LYPLAL1: variants seen among roughly 807,000 people sequenced by gnomAD.
LYPLAL1 encodes lysophospholipase like 1, also known as lysophospholipase-like protein 1.
In LYPLAL1, 23 loss-of-function variants were observed where a neutral mutation model predicts 19.7. The observed-to-expected ratio is 1.17, with a 90% CI of 0.84 to 1.65. LYPLAL1 has a LOEUF of 1.65. Ranked by LOEUF, LYPLAL1 falls within the 40% of genes most tolerant of loss-of-function variation. LYPLAL1 has a pLI of 0.00. For missense variants in LYPLAL1, 355 were observed against 279.4 expected, an observed-to-expected ratio of 1.27 and a Z score of -1.93; for synonymous variants, 119 against 96.3, an observed-to-expected ratio of 1.24 and a Z score of -1.38.
intron 1 of LYPLAL1, among the ~76,000 whole-genome samples, chr1:219,178,161 G>C (rs1248082217): frequency 6.6e-6 from 1 of 152,190 alleles, no homozygotes; most frequent in Non-Finnish European, 1.5e-5. Flanking sequence ...TCCTCTTGCA[G>C]AGTTTATAGG....
chr1:219,412,428 A>G, the LYPLAL1 span, among the ~76,000 whole-genome samples: 1 of 152,224 alleles, frequency 6.6e-6, no homozygotes, highest in Non-Finnish European at 1.5e-5. Flanking sequence ...TACAAAACAT[A>G]CTATTGTTTT....
At chr1:219,217,379 G>GGTGTGTGTGTGTGTGT (rs371579948), downstream of LYPLAL1, among the ~76,000 whole-genome samples, 22,743 of 133,608 alleles carry the variant, frequency 0.17, 2,276 homozygotes, top group East Asian at 0.23. Context: ...TGCCAGGTTT[G>GGTGTGTGTGTGTGTGT]GTGTGTGTGT....
chr1:219,336,500 A>T, the LYPLAL1 span, among the ~76,000 whole-genome samples: 3 of 151,930 alleles, frequency 2.0e-5, no homozygotes, highest in African/African-American at 7.2e-5. Flanking sequence ...TTTTTTTACT[A>T]GCAGTGATAC....
the LYPLAL1 span, among the ~76,000 whole-genome samples, chr1:219,438,247 C>T: frequency 2.0e-5 from 3 of 152,180 alleles, no homozygotes; most frequent in Non-Finnish European, 4.4e-5. Context: ...GGTGGTAACA[C>T]CTCTATAGTA....
chr1:219,260,953 T>C, the LYPLAL1 span, among the ~76,000 whole-genome samples: 14 of 152,066 alleles, frequency 9.2e-5, no homozygotes, highest in South Asian at 8.3e-4. Flanking sequence ...CCGTTTATAC[T>C]TGGAAATTTT....
chr1:219,370,479 G>A, the LYPLAL1 span, among the ~76,000 whole-genome samples: 10,309 of 152,222 alleles, frequency 0.068, 497 homozygotes, highest in South Asian at 0.14. Flanking sequence ...ATTGGAGACA[G>A]GAAGGTAGAG....
At chr1:219,230,521 A>T in the LYPLAL1 span, among the ~76,000 whole-genome samples, 1 of 152,236 alleles carries the variant, frequency 6.6e-6, no homozygotes, top group African/African-American at 2.4e-5. Context: ...TATTTTCCTG[A>T]TTCATAATGT....
the LYPLAL1 span, among the ~76,000 whole-genome samples, chr1:219,404,293 G>A: frequency 2.0e-5 from 3 of 152,104 alleles, no homozygotes; most frequent in African/African-American, 4.8e-5. Context: ...GGGAGCACAC[G>A]TCAGGGCATA....
At chr1:219,219,017 T>C in the LYPLAL1 span, among the ~76,000 whole-genome samples, 2 of 152,070 alleles carry the variant, frequency 1.3e-5, no homozygotes, top group African/African-American at 4.8e-5. Context: ...CCCAGCATTG[T>C]AGGATGTATG....
At chr1:219,209,548 T>C (rs1200034555) in intron 3 of LYPLAL1, among the ~76,000 whole-genome samples, 1 of 152,158 alleles carries the variant, frequency 6.6e-6, no homozygotes, top group East Asian at 1.9e-4. Context: ...CTTTACACTT[T>C]GTTAAGTGAA....
chr1:219,255,737 C>G, the LYPLAL1 span, among the ~76,000 whole-genome samples: 1 of 151,786 alleles, frequency 6.6e-6, no homozygotes, highest in Admixed American at 6.6e-5. Flanking sequence ...GTTGTAGATA[C>G]CCTTTATCAG....
the LYPLAL1 span, among the ~76,000 whole-genome samples, chr1:219,443,329 T>TTAA: frequency 6.6e-6 from 1 of 152,188 alleles, no homozygotes; most frequent in Non-Finnish European, 1.5e-5. Context: ...CTGAAGGATT[T>TTAA]TAATAATAAT....
At chr1:219,367,943 C>CG in the LYPLAL1 span, among the ~76,000 whole-genome samples, 2 of 61,004 alleles carry the variant, frequency 3.3e-5, 1 homozygote, top group South Asian at 2.0e-3. Flanking sequence ...TATGGCTTTA[C>CG]AATTTTTTTT....
the LYPLAL1 span, among the ~76,000 whole-genome samples, chr1:219,371,834 T>C: frequency 6.9e-6 from 1 of 145,966 alleles, no homozygotes; most frequent in African/African-American, 2.6e-5. Flanking sequence ...ATTCTGGGAC[T>C]GCCCAATTTG....
At chr1:219,346,256 A>C in the LYPLAL1 span, among the ~76,000 whole-genome samples, 1 of 152,146 alleles carries the variant, frequency 6.6e-6, no homozygotes, top group Admixed American at 6.5e-5. Context: ...ATGTGTGGGA[A>C]AACAGGAATT....
chr1:219,348,499 T>A, the LYPLAL1 span, among the ~76,000 whole-genome samples: 1 of 152,228 alleles, frequency 6.6e-6, no homozygotes, highest in African/African-American at 2.4e-5. Flanking sequence ...CTTCCAGGTC[T>A]GATAGATTTT....
At chr1:219,272,539 G>A in the LYPLAL1 span, 5 of 152,242 alleles carry the variant, frequency 3.3e-5, no homozygotes, top group African/African-American at 1.2e-4. Context: ...CGGAGGCTGA[G>A]GAGGGACAAT....
At chr1:219,424,491 G>C in the LYPLAL1 span, among the ~76,000 whole-genome samples, 1 of 152,140 alleles carries the variant, frequency 6.6e-6, no homozygotes, top group Non-Finnish European at 1.5e-5. Flanking sequence ...TATATTTTGT[G>C]CCCTGGACCA....
chr1:219,263,158 C>T, the LYPLAL1 span, among the ~76,000 whole-genome samples: 2 of 152,104 alleles, frequency 1.3e-5, no homozygotes, highest in African/African-American at 4.8e-5. Flanking sequence ...CTCCTTGGGT[C>T]AGGCTTGCTA....
Sources: allele counts gnomAD v4.1 joint callset (sites outside exome capture counted in the v4.1 genomes callset), GRCh38; gene constraint gnomAD v4.1.1; transcripts MANE v1.5; gene names NCBI Gene and HGNC (gene_info 2026-07-23, HGNC 2026-07-21).